Variants in DOCK2 observed in about 807,000 individuals in gnomAD.
The protein encoded by DOCK2 is dedicator of cytokinesis protein 2.
DOCK2 carries 87 observed loss-of-function variants against 248.9 expected under a neutral mutation model. The observed-to-expected ratio is 0.35, with a 90% CI of 0.29 to 0.42. DOCK2 has a LOEUF of 0.42. Among genes scored for constraint, DOCK2 ranks in the 10% least tolerant of loss-of-function variants. The pLI is 1.00. For synonymous variants in DOCK2, 805 were observed against 821.6 expected (o/e 0.98, Z 0.35); for missense variants, 1,747 against 2,300.2 (o/e 0.76, Z 4.92).
chr5:169,840,681 G>A, intron 26 of DOCK2, 76 bp from the exon 27 acceptor site: 1 of 1,370,788 alleles, frequency 7.3e-7, no homozygotes. Context: ...TCTGACCACT[G>A]TTGTCTGTGT....
intron 44 of DOCK2, among the ~76,000 whole-genome samples, chr5:170,064,391 G>A (rs527415258): frequency 3.8e-4 from 57 of 151,876 alleles, no homozygotes; most frequent in Non-Finnish European, 5.1e-4. Flanking sequence ...AGAACAAACC[G>A]AGAATTCTAA....
chr5:169,730,287 A>C (rs963497338), intron 22 of DOCK2, among the ~76,000 whole-genome samples: 4 of 152,180 alleles, frequency 2.6e-5, no homozygotes, highest in African/African-American at 9.7e-5. Flanking sequence ...GATGCAAATG[A>C]ATCAGCCATG....
At chr5:169,739,796 C>A (rs1763218355) in intron 22 of DOCK2, among the ~76,000 whole-genome samples, 1 of 152,184 alleles carries the variant, frequency 6.6e-6, no homozygotes, top group Non-Finnish European at 1.5e-5. Context: ...TTTATACCAA[C>A]TGGGCCATAG....
intron 27 of DOCK2, among the ~76,000 whole-genome samples, chr5:169,965,042 A>T (rs1312558435): frequency 6.6e-6 from 1 of 152,224 alleles, no homozygotes; most frequent in Non-Finnish European, 1.5e-5. Context: ...ATCGCCAAAC[A>T]TCTGTTGAAG....
At chr5:170,077,193 G>A (rs1757866089) in intron 47 of DOCK2, among the ~76,000 whole-genome samples, 1 of 152,288 alleles carries the variant, frequency 6.6e-6, no homozygotes, top group African/African-American at 2.4e-5. Flanking sequence ...GCACATTGAT[G>A]TATGATTACC....
chr5:169,876,518 A>C (rs1387704328), intron 27 of DOCK2, among the ~76,000 whole-genome samples: 1 of 152,242 alleles, frequency 6.6e-6, no homozygotes, highest in Non-Finnish European at 1.5e-5. Flanking sequence ...CAGTCAGGAC[A>C]GAAGTCCTGG....
intron 18 of DOCK2, 24 bp downstream of exon 18, chr5:169,714,235 G>A: frequency 6.2e-7 from 1 of 1,601,404 alleles, no homozygotes; most frequent in Admixed American, 1.7e-5. Flanking sequence ...CAAGAGTTGT[G>A]TCTGTGGGGA....
chr5:170,025,055 G>A (rs751819553), intron 33 of DOCK2, among the ~76,000 whole-genome samples: 3 of 152,222 alleles, frequency 2.0e-5, no homozygotes, highest in Admixed American at 6.5e-5. Flanking sequence ...CTCCCCCTGC[G>A]CTGCTTTCTA....
intron 27 of DOCK2, among the ~76,000 whole-genome samples, chr5:169,924,245 G>A (rs1775323721): frequency 6.6e-6 from 1 of 152,216 alleles, no homozygotes; most frequent in Non-Finnish European, 1.5e-5. Flanking sequence ...CTCTGGCCCT[G>A]AGCTGGGAGT....
intron 27 of DOCK2, among the ~76,000 whole-genome samples, chr5:169,913,037 A>G (rs1774695137): frequency 6.6e-6 from 1 of 152,130 alleles, no homozygotes; most frequent in African/African-American, 2.4e-5. Flanking sequence ...CCTTCTCCAC[A>G]CTCATTAGAC....
At position 169,838,205 on chromosome 5, in the gene DOCK2, C is replaced by G. The variant is rs192768510; in HGVS notation, c.2704-2552C>G. On this transcript the variant is annotated intron_variant, in intron 26 of 51. Coordinates refer to ENST00000520908, the MANE Select transcript of DOCK2 (RefSeq NM_004946.3). ...GATGGAAGGTGGATGATGAAACCCC[C>G]CAAGCAGCCACCAGAAATCTCTGAT... Among the ~76,000 whole-genome samples, 558 of 152,178 alleles carry G rather than the reference C, an allele frequency of 3.7e-3. 1 individual carries two copies. Among genetic ancestry groups the G allele is most frequent in the African/African-American group, 0.013 (536 of 41,510 alleles).
At chr5:169,846,563 G>A (rs1383364472) in intron 27 of DOCK2, among the ~76,000 whole-genome samples, 1 of 151,942 alleles carries the variant, frequency 6.6e-6, no homozygotes, top group Non-Finnish European at 1.5e-5. Context: ...GTGAGAAAGG[G>A]AGCATGGTTT....
chr5:169,682,441 G>A (rs1759718231), intron 7 of DOCK2, among the ~76,000 whole-genome samples: 1 of 152,234 alleles, frequency 6.6e-6, no homozygotes, highest in Non-Finnish European at 1.5e-5. Flanking sequence ...AGGATGAGGT[G>A]TGGTGAACAC....
chr5:169,979,698 C>G (rs1174203913), intron 27 of DOCK2, among the ~76,000 whole-genome samples: 1 of 152,174 alleles, frequency 6.6e-6, no homozygotes, highest in Non-Finnish European at 1.5e-5. Flanking sequence ...GTAACTTGTC[C>G]AAACTTCAGT....
intron 38 of DOCK2, among the ~76,000 whole-genome samples, chr5:170,045,218 C>T (rs1417251876): frequency 1.3e-5 from 2 of 152,142 alleles, no homozygotes; most frequent in African/African-American, 2.4e-5. Flanking sequence ...AATCCCAGGA[C>T]TGCATATCAG....
chr5:169,775,421 G>C (rs1249557805), intron 25 of DOCK2, among the ~76,000 whole-genome samples: 1 of 152,054 alleles, frequency 6.6e-6, no homozygotes, highest in African/African-American at 2.4e-5. Context: ...TTGATAGTCT[G>C]TCTCTCTTTC....
chr5:169,950,022 G>C (rs1776596045), intron 27 of DOCK2, among the ~76,000 whole-genome samples: 1 of 152,114 alleles, frequency 6.6e-6, no homozygotes, highest in Non-Finnish European at 1.5e-5. Context: ...GCGTTTGAGG[G>C]GATCACAGAT....
At chr5:169,677,019 A>ACCCTGT (rs1759370467) in intron 6 of DOCK2, among the ~76,000 whole-genome samples, 1 of 152,190 alleles carries the variant, frequency 6.6e-6, no homozygotes, top group African/African-American at 2.4e-5. Context: ...GGTAGGCACT[A>ACCCTGT]TTCTCACCCT....
At chr5:169,683,631 T>C in intron 7 of DOCK2, among the ~76,000 whole-genome samples, 1 of 152,204 alleles carries the variant, frequency 6.6e-6, no homozygotes, top group Admixed American at 6.5e-5. Context: ...CTAGTGGTTG[T>C]GTAGTTGTAT....
Sources: allele counts gnomAD v4.1 joint callset (sites outside exome capture counted in the v4.1 genomes callset), GRCh38; gene constraint gnomAD v4.1.1; transcripts MANE v1.5; gene names NCBI Gene and HGNC (gene_info 2026-07-23, HGNC 2026-07-21).